ZNF536: variants seen among roughly 807,000 people sequenced by gnomAD.
ZNF536 encodes the protein zinc finger protein 536.
A neutral mutation model predicts 84.5 loss-of-function variants in ZNF536; 13 were observed. The ratio of observed to expected loss-of-function variants is 0.15; its 90% CI spans 0.10 to 0.24. The LOEUF (loss-of-function observed/expected upper bound fraction) is 0.24. ZNF536 is among the 10% of genes least tolerant of loss of function. The pLI is 1.00. For synonymous variants in ZNF536, 811 were observed against 742.5 expected (o/e 1.09, Z -1.50); for missense variants, 1,536 against 1,747.5 (o/e 0.88, Z 2.16).
intron 2 of ZNF536, among the ~76,000 whole-genome samples, chr19:30,515,686 C>T (rs867135976): frequency 6.6e-6 from 1 of 152,066 alleles, no homozygotes; most frequent in South Asian, 2.1e-4. Flanking sequence ...CCTGGCCTTC[C>T]TCTTCTTAAT....
intron 1 of ZNF536, among the ~76,000 whole-genome samples, chr19:30,686,631 C>G (rs1360440736): frequency 6.6e-6 from 1 of 152,186 alleles, no homozygotes; most frequent in East Asian, 1.9e-4. Flanking sequence ...GATATAATGG[C>G]GGGGAAGGAG....
chr19:30,615,191 C>T (rs1367038117), intron 1 of ZNF536, among the ~76,000 whole-genome samples: 1 of 149,694 alleles, frequency 6.7e-6, no homozygotes, highest in Non-Finnish European at 1.5e-5. Context: ...GTGATCCGCC[C>T]GTCTCGGCCT....
At chr19:30,547,161 A>G (rs2146153059) in intron 3 of ZNF536, among the ~76,000 whole-genome samples, 1 of 152,348 alleles carries the variant, frequency 6.6e-6, no homozygotes, top group African/African-American at 2.4e-5. Flanking sequence ...ACCAGTAGAT[A>G]ATGTTAATTT....
chr19:30,569,959 C>A (rs1038464818), intron 1 of ZNF536, among the ~76,000 whole-genome samples: 1 of 152,180 alleles, frequency 6.6e-6, no homozygotes, highest in African/African-American at 2.4e-5. Flanking sequence ...GCAATGTTCT[C>A]CCCTGGGGGA....
At chr19:30,248,340 A>C (rs1374536418) in intron 1 of ZNF536, among the ~76,000 whole-genome samples, 1 of 146,336 alleles carries the variant, frequency 6.8e-6, no homozygotes, top group Non-Finnish European at 1.5e-5. Flanking sequence ...AGTGATTCTC[A>C]TGCCTCAGCC....
At chr19:30,385,582 A>ATT (rs1238588453) in intron 1 of ZNF536, among the ~76,000 whole-genome samples, 1 of 151,484 alleles carries the variant, frequency 6.6e-6, no homozygotes. Flanking sequence ...CGGACTTGAC[A>ATT]TTCAAGGCAT....
At chr19:30,353,328 G>A (rs762211995) in intron 3 of ZNF536, among the ~76,000 whole-genome samples, 2 of 152,140 alleles carry the variant, frequency 1.3e-5, no homozygotes, top group African/African-American at 4.8e-5. Context: ...CTACGGCCTC[G>A]TGTAATATCG....
chr19:30,344,372 G>A (rs1412055294), intron 2 of ZNF536, among the ~76,000 whole-genome samples: 4 of 118,808 alleles, frequency 3.4e-5, no homozygotes, highest in Non-Finnish European at 6.8e-5. Context: ...CCCGGGAGGC[G>A]GAGGTTGTAG....
At chr19:30,347,393 A>G (rs1360194987) in intron 2 of ZNF536, among the ~76,000 whole-genome samples, 1 of 152,214 alleles carries the variant, frequency 6.6e-6, no homozygotes, top group African/African-American at 2.4e-5. Flanking sequence ...ATAGAGGTGG[A>G]TATCTGCCTG....
chr19:30,295,399 A>T (rs1202054807), intron 2 of ZNF536, among the ~76,000 whole-genome samples: 8 of 152,108 alleles, frequency 5.3e-5, no homozygotes, highest in Non-Finnish European at 8.8e-5. Flanking sequence ...AGTGTCGTGG[A>T]TCTCCAACTT....
At chr19:30,477,076 A>G (rs1390908899) in intron 2 of ZNF536, among the ~76,000 whole-genome samples, 1 of 152,088 alleles carries the variant, frequency 6.6e-6, no homozygotes, top group Non-Finnish European at 1.5e-5. Context: ...GGCATGAGCC[A>G]TGGTAACTAG....
chr19:30,392,593 G>A (rs1156482212), intron 1 of ZNF536, among the ~76,000 whole-genome samples: 3 of 152,166 alleles, frequency 2.0e-5, no homozygotes, highest in Admixed American at 6.5e-5. Flanking sequence ...TTCTTTCTGT[G>A]TGATTTCCAT....
chr19:30,485,135 C>T (rs533079956), intron 2 of ZNF536, among the ~76,000 whole-genome samples: 63 of 144,262 alleles, frequency 4.4e-4, no homozygotes, highest in African/African-American at 1.6e-3. Context: ...CAGTGTGAGA[C>T]TCTGTCTCAA....
chr19:30,408,101 G>A (rs1387998062), intron 1 of ZNF536, among the ~76,000 whole-genome samples: 4 of 152,140 alleles, frequency 2.6e-5, no homozygotes, highest in African/African-American at 7.2e-5. Flanking sequence ...TGAGAAAGAT[G>A]GGCTGTGTTT....
At chr19:30,522,656 T>C (rs2044407852) in intron 2 of ZNF536, among the ~76,000 whole-genome samples, 1 of 152,120 alleles carries the variant, frequency 6.6e-6, no homozygotes, top group African/African-American at 2.4e-5. Flanking sequence ...GTGTTCTTTA[T>C]AAGGAAGCCC....
rs144381073 is a variant in ZNF536, at chr19:30,355,167, A to G, written c.-3+2683A>G. ...CGCCAGCATCTGCTCAGCTTCTGCA[A>G]CTGCATGATGGTGATGCATCATGGA... is the stretch of plus-strand genomic sequence containing the variant. On this transcript the variant is annotated intron_variant, in intron 3 of 5. Transcript: ENST00000585628. Among the ~76,000 whole-genome samples the G allele has an allele frequency of 2.5e-3, 380 of 152,244 alleles. 3 individuals are homozygous for G. The highest frequency in any genetic ancestry group is 8.4e-3 in the African/African-American group (350 of 41,548).
intron 1 of ZNF536, among the ~76,000 whole-genome samples, chr19:30,625,500 G>T (rs895534092): frequency 1.3e-5 from 2 of 152,222 alleles, no homozygotes; most frequent in African/African-American, 4.8e-5. Flanking sequence ...ATACCAGAAG[G>T]TTGATATTAT....
At chr19:30,424,852 A>G (rs754451820) in intron 1 of ZNF536, among the ~76,000 whole-genome samples, 2 of 152,094 alleles carry the variant, frequency 1.3e-5, no homozygotes, top group Non-Finnish European at 1.5e-5. Flanking sequence ...CTTGGTGACC[A>G]TGGTGGAGTG....
At chr19:30,391,445 G>A (rs375694812) in intron 1 of ZNF536, among the ~76,000 whole-genome samples, 32 of 152,290 alleles carry the variant, frequency 2.1e-4, no homozygotes, top group African/African-American at 7.7e-4. Flanking sequence ...GCATGGTGGT[G>A]CATGCCTGTA....
Sources: gnomAD v4.1 joint callset for allele counts (sites outside exome capture counted in the v4.1 genomes callset) on GRCh38, gnomAD v4.1.1 for gene constraint, MANE v1.5 for transcripts, NCBI Gene and HGNC (gene_info 2026-07-23, HGNC 2026-07-21) for gene names.